ROR1: variants seen among roughly 807,000 people sequenced by gnomAD.
ROR1 encodes the protein ROR family WNT receptor 1.
Under a neutral mutation model 78.8 loss-of-function variants are expected in ROR1, and 19 were observed. The observed-to-expected ratio is 0.24, with a 90% CI of 0.17 to 0.35. The LOEUF (loss-of-function observed/expected upper bound fraction) is 0.35. Ranked by LOEUF, ROR1 falls within the 10% of genes least tolerant of loss-of-function variation. The pLI is 1.00. For synonymous variants in ROR1, 386 were observed against 433.6 expected (o/e 0.89, Z 1.36); for missense variants, 917 against 1,177.8 (o/e 0.78, Z 3.24).
At chr1:63,901,262 G>C (rs577833282) in intron 1 of ROR1, among the ~76,000 whole-genome samples, 34 of 152,252 alleles carry the variant, frequency 2.2e-4, no homozygotes, top group African/African-American at 8.2e-4. Flanking sequence ...AAGGTTCTAC[G>C]GCCAGCAGAG....
intron 1 of ROR1, among the ~76,000 whole-genome samples, chr1:63,971,955 A>C (rs1342267438): frequency 2.0e-5 from 3 of 152,184 alleles, no homozygotes; most frequent in Non-Finnish European, 4.4e-5. Context: ...AGCCTTGATC[A>C]AACCCACCTT....
chr1:64,140,553 T>TACTGTGCCTGAGC, intron 6 of ROR1, 127 bp downstream of exon 6: 1 of 813,130 alleles, frequency 1.2e-6, no homozygotes, highest in Non-Finnish European at 1.9e-6. Flanking sequence ...ATGGGCTGAG[T>TACTGTGCCTGAGC]ACTGTGCCTG....
chr1:63,877,677 T>C (rs959998175), intron 1 of ROR1, among the ~76,000 whole-genome samples: 10 of 152,116 alleles, frequency 6.6e-5, no homozygotes, highest in African/African-American at 2.2e-4. Context: ...AGGAGATCTC[T>C]ATATTTTTCT....
At chr1:63,815,760 T>A (rs1459232281) in intron 1 of ROR1, among the ~76,000 whole-genome samples, 1 of 152,120 alleles carries the variant, frequency 6.6e-6, no homozygotes, top group Non-Finnish European at 1.5e-5. Context: ...GTGGTTCTTG[T>A]TCAGGGGTGA....
In ROR1 at chr1:64,179,022, C is replaced by CAAA; in HGVS notation, c.*168_*169insAAA. 1 of 156,488 alleles carries CAAA rather than the reference C, an allele frequency of 6.4e-6. No homozygotes were observed. Among genetic ancestry groups the CAAA allele is most frequent in the African/African-American group, 5.2e-5 (1 of 19,128 alleles). 9.7% of individuals were successfully genotyped at this position (156,488 alleles called of 1,614,324 possible). ...TTACCAAGCAGGACAGACACTCGGC[C>CAAA]AGAAAAAAAAAAAAAAAAAAAAAAC... On this transcript the variant is annotated 3_prime_UTR_variant, in exon 9 of 9. Transcript: ENST00000371079.
chr1:64,062,197 T>C (rs1646922782), intron 4 of ROR1, among the ~76,000 whole-genome samples: 18 of 152,190 alleles, frequency 1.2e-4, no homozygotes. Flanking sequence ...CCTGCTATGT[T>C]GGGTGACTGC....
chr1:63,930,040 C>T (rs1198001046), intron 1 of ROR1, among the ~76,000 whole-genome samples: 4 of 152,046 alleles, frequency 2.6e-5, no homozygotes, highest in Non-Finnish European at 4.4e-5. Context: ...TAAGTATACA[C>T]ATGCCATGGT....
chr1:63,919,204 T>C (rs1254957319), intron 1 of ROR1, among the ~76,000 whole-genome samples: 1 of 152,156 alleles, frequency 6.6e-6, no homozygotes, highest in African/African-American at 2.4e-5. Context: ...AGGAGTGCAT[T>C]ATATTGACAC....
chr1:63,801,990 G>A (rs1346914814), intron 1 of ROR1, among the ~76,000 whole-genome samples: 2 of 152,144 alleles, frequency 1.3e-5, no homozygotes, highest in African/African-American at 4.8e-5. Flanking sequence ...TTTTAGATAC[G>A]TATAATGCCC....
Position 63,972,131 on chromosome 1 carries a change from C to T in ROR1, c.92-37174C>T, listed in dbSNP as rs140803425. On this transcript the variant is annotated intron_variant, in intron 1 of 8. Transcript: ENST00000371079. ...GTTCTTTTCCTTTGCACTATGCCTA[C>T]GTCTCATGCCTGTTTTCCCTTTCTA... is the stretch of plus-strand genomic sequence containing the variant. Among the ~76,000 whole-genome samples, 181 of 152,272 alleles carry T rather than the reference C, an allele frequency of 1.2e-3. 1 individual carries two copies. In the Middle Eastern group the frequency reaches 0.014, roughly 11 times the overall value.
At chr1:63,783,795 A>G (rs1644667939) in intron 1 of ROR1, among the ~76,000 whole-genome samples, 1 of 152,224 alleles carries the variant, frequency 6.6e-6, no homozygotes, top group Admixed American at 6.5e-5. Context: ...AAGCAGATTA[A>G]TCCTGACCAG....
intron 7 of ROR1, among the ~76,000 whole-genome samples, chr1:64,147,525 C>T (rs1406176099): frequency 6.6e-6 from 1 of 152,176 alleles, no homozygotes; most frequent in Admixed American, 6.5e-5. Context: ...CCTGAGAAGA[C>T]AGTAGGTCAG....
intron 1 of ROR1, among the ~76,000 whole-genome samples, chr1:63,826,602 C>T (rs750760760): frequency 3.3e-5 from 5 of 151,988 alleles, no homozygotes; most frequent in Non-Finnish European, 7.4e-5. Context: ...CCTTTGGGTA[C>T]ATACCCAGTA....
At chr1:64,139,821 T>TA (rs1649242586) in intron 5 of ROR1, among the ~76,000 whole-genome samples, 1 of 152,048 alleles carries the variant, frequency 6.6e-6, no homozygotes, top group Admixed American at 6.6e-5. Flanking sequence ...TGCTTTGTAG[T>TA]AAAAAATGAA....
At chr1:63,963,350 C>A (rs1273086814) in intron 1 of ROR1, among the ~76,000 whole-genome samples, 1 of 131,446 alleles carries the variant, frequency 7.6e-6, no homozygotes, top group African/African-American at 3.9e-5. Context: ...GGTGGATCAC[C>A]TGAGGTCGGG....
intron 5 of ROR1, among the ~76,000 whole-genome samples, chr1:64,139,565 T>C (rs2100709302): frequency 6.6e-6 from 1 of 152,356 alleles, no homozygotes; most frequent in African/African-American, 2.4e-5. Context: ...TGTACTGTGC[T>C]CTTTGAGAAC....
chr1:63,941,364 T>A (rs936573739), intron 1 of ROR1, among the ~76,000 whole-genome samples: 6 of 152,202 alleles, frequency 3.9e-5, no homozygotes, highest in Admixed American at 3.9e-4. Flanking sequence ...GCTGAAATGT[T>A]GAAATTCACA....
intron 1 of ROR1, among the ~76,000 whole-genome samples, chr1:63,965,319 C>A (rs1280568863): frequency 2.0e-5 from 3 of 152,118 alleles, no homozygotes; most frequent in Non-Finnish European, 4.4e-5. Flanking sequence ...GAGGCTGGAC[C>A]AGAAGAGTGA....
intron 1 of ROR1, among the ~76,000 whole-genome samples, chr1:63,926,912 G>T (rs1231817391): frequency 1.5e-3 from 107 of 70,602 alleles, no homozygotes; most frequent in Middle Eastern, 7.2e-3. Flanking sequence ...ATTTTGGGCT[G>T]AGACAATGGG....
Sources: allele counts gnomAD v4.1 joint callset (sites outside exome capture counted in the v4.1 genomes callset), GRCh38; gene constraint gnomAD v4.1.1; transcripts MANE v1.5; gene names NCBI Gene and HGNC (gene_info 2026-07-23, HGNC 2026-07-21).